SLC12A4: variants seen among roughly 807,000 people sequenced by gnomAD.
The protein encoded by SLC12A4 is solute carrier family 12 member 4.
Under a neutral mutation model 119.2 loss-of-function variants are expected in SLC12A4, and 84 were observed. The ratio of observed to expected loss-of-function variants is 0.70; its 90% CI spans 0.59 to 0.85. SLC12A4 has a LOEUF of 0.85. Among genes scored for constraint, SLC12A4 ranks in the 40% least tolerant of loss-of-function variants. The pLI, the probability that SLC12A4 is intolerant of heterozygous loss-of-function variation, is 0.00. For missense variants in SLC12A4, 1,298 were observed against 1,476.3 expected (o/e 0.88, Z 1.98); for synonymous variants, 599 against 604.6 (o/e 0.99, Z 0.14).
chr16:67,950,752 C>G lies in SLC12A4; in HGVS notation c.1397-41G>C, dbSNP rs1462232893. ...GGAAAACTCGGCCTCTGCCACCCCA[C>G]TGTCCCTGAATAGTACCACGTGCCC... On this transcript the variant is annotated intron_variant, in intron 10 of 23. Transcript: ENST00000316341. The surrounding 1 kb of genome is among the most constrained non-coding windows in gnomAD (Gnocchi z 4.3). 2 of 1,581,664 alleles carry G rather than the reference C, an allele frequency of 1.3e-6. No individual in the cohort carries two copies. The highest frequency in any genetic ancestry group is 8.6e-7 in the Non-Finnish European group (1 of 1,164,544).
At chr16:67,965,198 C>T (rs2030808996) in intron 1 of SLC12A4, among the ~76,000 whole-genome samples, 1 of 152,180 alleles carries the variant, frequency 6.6e-6, no homozygotes, top group African/African-American at 2.4e-5. Flanking sequence ...TGTTCAGGAT[C>T]AGAAGGAGTC....
intron 13 of SLC12A4, among the ~76,000 whole-genome samples, 165 bp from the exon 14 acceptor site, chr16:67,948,324 G>A (rs1598213075): frequency 6.6e-6 from 1 of 152,276 alleles, no homozygotes; most frequent in South Asian, 2.1e-4. Flanking sequence ...CTGAGGCAAT[G>A]AGACTACTGT....
intron 2 of SLC12A4, chr16:67,962,440 C>A (rs944242080): frequency 3.9e-5 from 6 of 152,370 alleles, no homozygotes; most frequent in African/African-American, 1.4e-4. Flanking sequence ...CTGCCTCCTG[C>A]CCACATTTAG....
Position 67,951,077 on chromosome 16 carries a change from G to A in SLC12A4, c.1298-17C>T, listed in dbSNP as rs748842423. On this transcript the variant is annotated splice_polypyrimidine_tract_variant and intron_variant, in intron 9 of 23. Coordinates refer to ENST00000316341, the MANE Select transcript of SLC12A4 (RefSeq NM_005072.5). This position sits in a 1 kb window ranked among gnomAD's most constrained non-coding sequence, Gnocchi z 5.2. ...CCATGATGCCTCCAAAAACAGATGAGACTCCCTCAGGGGCTCCCCGGGATT... is the reference window on the plus strand; with the variant it reads ...CCATGATGCCTCCAAAAACAGATGAAACTCCCTCAGGGGCTCCCCGGGATT... 1.2e-6 allele frequency: 2 copies of A among 1,613,962 alleles called. No homozygotes were observed. The highest frequency in any genetic ancestry group is 1.3e-5 in the African/African-American group (1 of 75,034).
intron 3 of SLC12A4, among the ~76,000 whole-genome samples, chr16:67,960,131 G>T (rs1280265275): frequency 2.6e-5 from 4 of 152,196 alleles, no homozygotes; most frequent in Non-Finnish European, 5.9e-5. Flanking sequence ...GGGATGATGG[G>T]CTCTCTCTGG....
In SLC12A4 at chr16:67,962,245, T is replaced by A. The variant is rs140942991; in HGVS notation, c.211-539A>T. The A allele has an allele frequency of 3.9e-5, 6 of 152,574 alleles. No homozygotes were observed. In the East Asian group the frequency reaches 1.2e-3, roughly 30 times the overall value. 9.5% of individuals were successfully genotyped at this position (152,574 alleles called of 1,614,324 possible). On this transcript the variant is annotated intron_variant, in intron 2 of 23. Transcript: ENST00000316341. ...GACCCCAGTCCTGCAAGTACCCACA[T>A]CAATCGCGGAGATGGGATCCTGATC...
rs142997003 is a variant in SLC12A4 at position 67,961,287 on chromosome 16, C to T, written c.342+288G>A. On this transcript the variant is annotated intron_variant, in intron 3 of 23. Transcript: ENST00000316341. ...TGTTGTACAGATGACATATGAGAAC[C>T]CAGGCCTGGTGTGGTACCTCGCACA... Among the ~76,000 whole-genome samples the T allele has an allele frequency of 2.0e-3, 304 of 152,228 alleles. 1 individual carries two copies. The highest frequency in any genetic ancestry group is 4.3e-3 in the South Asian group (21 of 4,830).
At chr16:67,959,448 T>C (rs1334227211) in intron 3 of SLC12A4, among the ~76,000 whole-genome samples, 1 of 152,204 alleles carries the variant, frequency 6.6e-6, no homozygotes, top group East Asian at 1.9e-4. Context: ...CATGATCTTG[T>C]CTAGCTGAGT....
intron 1 of SLC12A4, among the ~76,000 whole-genome samples, chr16:67,966,164 G>T (rs1209605259): frequency 6.6e-6 from 1 of 152,194 alleles, no homozygotes; most frequent in African/African-American, 2.4e-5. Flanking sequence ...AGTGGAGATT[G>T]TAACACTTGT....
Position 67,946,023 on chromosome 16 carries a change from G to T in SLC12A4, c.2667C>A (p.Ile889=), listed in dbSNP as rs1312918015. ...FTVAQMDDNS[I]QMKKDLAVFL... ...AGACAGCCAGGTCCTTCTTCATCTG[G>T]ATGCTGTTGTCATCCATCTGGGCCA... The change falls in exon 20 of 24, where the codon ATC becomes ATA. Residue 889 remains isoleucine, a synonymous_variant. Transcript: ENST00000316341. The T allele has an allele frequency of 1.2e-6, 2 of 1,614,068 alleles. No homozygotes were observed. The highest frequency in any genetic ancestry group is 4.5e-5 in the East Asian group (2 of 44,880).
rs747319020 is a variant in SLC12A4 at position 67,945,218 on chromosome 16, T to C, written c.3035A>G (p.Asp1012Gly). Reference sequence around the variant, plus strand: ...GTGCATGCGCCGCACATTGGATTGGTCCCTACACGTAGTGTAGCCAGTCAC... The same window carrying C: ...GTGCATGCGCCGCACATTGGATTGGCCCCTACACGTAGTGTAGCCAGTCAC... ...NFRELVHIKP[D>G]QSNVRRMHTA... Residue 1012 changes from aspartate to glycine, a missense_variant and splice_region_variant, in exon 23 of 24, where the codon GAC becomes GGC. Physicochemically the swap from Asp to Gly is moderately conservative, Grantham distance 94. Coordinates refer to ENST00000316341, the MANE Select transcript of SLC12A4 (RefSeq NM_005072.5). The C allele has an allele frequency of 5.8e-6, 9 of 1,556,784 alleles. No homozygotes were observed. The highest frequency in any genetic ancestry group is 1.9e-5 in the Admixed American group (1 of 53,912).
Position 67,950,844 on chromosome 16 carries a change from A to G in SLC12A4, c.1396+118T>C. The G allele has an allele frequency of 7.0e-7, 1 of 1,427,864 alleles. No individual in the cohort carries two copies. Among genetic ancestry groups the G allele is most frequent in the Admixed American group, 1.9e-5 (1 of 53,000 alleles). 88.4% of individuals were successfully genotyped at this position (1,427,864 alleles called of 1,614,324 possible). On this transcript the variant is annotated intron_variant, in intron 10 of 23. Transcript: ENST00000316341. The surrounding 1 kb of genome is among the most constrained non-coding windows in gnomAD (Gnocchi z 4.3). ...TCGTGGTGTGTATGTGCATGTGTGC[A>G]TGAGAAGGGGAGCTATATATGAGTG... is the stretch of plus-strand genomic sequence containing the variant.
chr16:67,948,855 C>A (rs1223542862), intron 13 of SLC12A4, among the ~76,000 whole-genome samples: 1 of 152,094 alleles, frequency 6.6e-6, no homozygotes, highest in African/African-American at 2.4e-5. Flanking sequence ...GGGGGGTGGA[C>A]AAGAGGGTGC....
In SLC12A4 at chr16:67,963,532, G is replaced by T; in HGVS notation, c.143C>A (p.Pro48His). Residue 48 changes from proline to histidine, a missense_variant, in exon 2 of 24, where the codon CCT becomes CAT. Physicochemically the swap from Pro to His is moderately conservative, Grantham distance 77. Transcript: ENST00000316341. The stretch of plus-strand genomic sequence containing the variant: ...GGAAGCCTCCAAGGGGGAAAGAAAA[G>T]GGCTGCTCTCTCTGTGGTTGCCATG... Reference protein sequence around the residue: ...DGHGNHRESSPFLSPLEASRG... With the variant: ...DGHGNHRESSHFLSPLEASRG... The T allele has an allele frequency of 6.3e-7, 1 of 1,584,680 alleles. No homozygotes were observed. The highest frequency in any genetic ancestry group is 8.5e-7 in the Non-Finnish European group (1 of 1,171,046).
chr16:67,952,171 C>G lies in SLC12A4; in HGVS notation c.917+13G>C, dbSNP rs754230658. The G allele has an allele frequency of 1.2e-6, 2 of 1,613,458 alleles. No homozygotes were observed. The highest frequency in any genetic ancestry group is 4.5e-5 in the East Asian group (2 of 44,870). ...GTCCATGCAATGCCCAGATAAATTC[C>G]TGGGTTACTTACGGAAACACGGGAG... On this transcript the variant is annotated intron_variant, in intron 7 of 23. Transcript: ENST00000316341.
At chr16:67,967,797 T>C (rs1310086017) in intron 1 of SLC12A4, among the ~76,000 whole-genome samples, 1 of 152,128 alleles carries the variant, frequency 6.6e-6, no homozygotes, top group Non-Finnish European at 1.5e-5. Flanking sequence ...ACAGTACTTA[T>C]CCCAAGGGTG....
Position 67,954,787 on chromosome 16 carries a change from A to G in SLC12A4, c.545-14T>C. The G allele has an allele frequency of 6.2e-7, 1 of 1,614,102 alleles. No individual in the cohort carries two copies. Among genetic ancestry groups the G allele is most frequent in the Non-Finnish European group, 8.5e-7 (1 of 1,179,976 alleles). On this transcript the variant is annotated splice_polypyrimidine_tract_variant and intron_variant, in intron 5 of 23. Transcript: ENST00000316341. ...AGGAGCCCCCAGCTACAGCAGAGAA[A>G]TGAAAGTGTGCACAGGTCAAGGCTG...
intron 5 of SLC12A4, among the ~76,000 whole-genome samples, chr16:67,955,946 G>A (rs936337132): frequency 6.6e-6 from 1 of 152,132 alleles, no homozygotes; most frequent in Non-Finnish European, 1.5e-5. Flanking sequence ...GGAGGCTGAG[G>A]CAGGCAGATG....
chr16:67,944,902 C>T lies in SLC12A4; in HGVS notation c.3196G>A (p.Gly1066Ser). The part of the protein sequence containing the change: ...YMEFLEVLTE[G>S]LERVLLVRGG... ...CGCACCAACAGCACCCGCTCAAGGC[C>T]CTCGGTCAGCACCTCGAGGAACTCC... is the stretch of plus-strand genomic sequence containing the variant. Residue 1066 changes from glycine to serine, a missense_variant, in exon 24 of 24, where the codon GGC (glycine) becomes AGC (serine). By Grantham distance (56) the Gly-to-Ser change is moderately conservative. Transcript: ENST00000316341. This position sits in a 1 kb window ranked among gnomAD's most constrained non-coding sequence, Gnocchi z 6.6. 1 of 1,613,496 alleles carries T rather than the reference C, an allele frequency of 6.2e-7. No individual in the cohort carries two copies. Among genetic ancestry groups the T allele is most frequent in the Non-Finnish European group, 8.5e-7 (1 of 1,180,016 alleles).
Sources: allele counts gnomAD v4.1 joint callset (sites outside exome capture counted in the v4.1 genomes callset), GRCh38; gene constraint gnomAD v4.1.1; non-coding constraint Gnocchi (gnomAD v3.1); transcripts MANE v1.5; gene names NCBI Gene and HGNC (gene_info 2026-07-23, HGNC 2026-07-21).